SGSM1: variants seen among roughly 807,000 people sequenced by gnomAD.
SGSM1 encodes the protein RUN and TBC1 domain containing 2.
In SGSM1, 73 loss-of-function variants were observed where a neutral mutation model predicts 133.8. That is an observed-to-expected ratio of 0.55 (90% CI 0.45 to 0.66). The LOEUF is 0.66. Ranked by LOEUF, SGSM1 falls within the 30% of genes least tolerant of loss-of-function variation. The pLI is 0.00. For synonymous variants in SGSM1, 563 were observed against 573.0 expected (o/e 0.98, Z 0.25); for missense variants, 1,213 against 1,448.1 (o/e 0.84, Z 2.64).
At chr22:24,872,539 A>G (rs1931816958) in intron 12 of SGSM1, among the ~76,000 whole-genome samples, 1 of 152,234 alleles carries the variant, frequency 6.6e-6, no homozygotes, top group African/African-American at 2.4e-5. Context: ...TTAAAATAGT[A>G]ACATTTTGGA....
At chr22:24,915,792 C>T (rs947535502) in intron 22 of SGSM1, among the ~76,000 whole-genome samples, 2 of 152,108 alleles carry the variant, frequency 1.3e-5, no homozygotes, top group Admixed American at 6.6e-5. Flanking sequence ...AGTATGTCCT[C>T]TTCATTCAGT....
At chr22:24,838,377 A>G (rs1929592282) in intron 2 of SGSM1, among the ~76,000 whole-genome samples, 1 of 152,238 alleles carries the variant, frequency 6.6e-6, no homozygotes, top group African/African-American at 2.4e-5. Flanking sequence ...TTATATAGCC[A>G]GGAAGAAATG....
At position 24,901,821 on chromosome 22, in the gene SGSM1, G is replaced by A. The variant is rs199763568; in HGVS notation, c.2611-12G>A. On this transcript the variant is annotated splice_polypyrimidine_tract_variant and intron_variant, in intron 19 of 24. Coordinates refer to ENST00000400358, the MANE Select transcript of SGSM1 (RefSeq NM_001098497.3). ...ATTTCTTCCCCCTACCCCCTGCCCC[G>A]ATGGCCTATAGCCAGAGCTGCTGGA... 660 of 1,611,840 alleles carry A rather than the reference G, an allele frequency of 4.1e-4. 2 individuals carry two copies. Among genetic ancestry groups the A allele is most frequent in the Middle Eastern group, 2.8e-3 (17 of 6,056 alleles).
chr22:24,810,144 C>T (rs1233194132), intron 2 of SGSM1, among the ~76,000 whole-genome samples: 1 of 152,048 alleles, frequency 6.6e-6, no homozygotes, highest in Non-Finnish European at 1.5e-5. Context: ...GGGAGGACAT[C>T]GAGAACAGGG....
At chr22:24,915,123 G>A (rs939921217) in intron 22 of SGSM1, among the ~76,000 whole-genome samples, 1 of 152,206 alleles carries the variant, frequency 6.6e-6, no homozygotes, top group African/African-American at 2.4e-5. Flanking sequence ...TAGCTACTCC[G>A]GAGGCTGAGA....
chr22:24,856,820 A>C (rs1930821573), intron 8 of SGSM1, among the ~76,000 whole-genome samples: 1 of 146,522 alleles, frequency 6.8e-6, no homozygotes, highest in Admixed American at 6.9e-5. Context: ...CCAGGCTGGC[A>C]TGCAGGGGTG....
intron 2 of SGSM1, among the ~76,000 whole-genome samples, chr22:24,839,509 T>A (rs1328354209): frequency 6.6e-6 from 1 of 152,202 alleles, no homozygotes; most frequent in Non-Finnish European, 1.5e-5. Flanking sequence ...ATAAAATGAG[T>A]TTGGAAGTGC....
At chr22:24,819,582 C>G (rs1487772989) in intron 2 of SGSM1, among the ~76,000 whole-genome samples, 4 of 152,202 alleles carry the variant, frequency 2.6e-5, no homozygotes, top group African/African-American at 9.6e-5. Context: ...ACCCAGAGTG[C>G]CTCCCTTGAT....
rs1934167328 is a variant in SGSM1, at chr22:24,925,434, TC to T, written c.*1162del. 1 of 152,114 alleles carries T rather than the reference TC, an allele frequency of 6.6e-6. No individual in the cohort carries two copies. The highest frequency in any genetic ancestry group is 1.5e-5 in the Non-Finnish European group (1 of 68,010). 9.4% of individuals were successfully genotyped at this position (152,114 alleles called of 1,614,324 possible). ...CTGGGATTCCATCTGTTGTATTTTC[TC>T]CTTTTTTCTCCTCTGTCTGATGCCA... On this transcript the variant is annotated 3_prime_UTR_variant, in exon 25 of 25. Transcript: ENST00000400358.
chr22:24,806,223 GC>G lies in SGSM1; in HGVS notation c.-99del. On this transcript the variant is annotated 5_prime_UTR_variant, in exon 1 of 25. Coordinates refer to ENST00000400358, the MANE Select transcript of SGSM1 (RefSeq NM_001098497.3). ...CCCTCCGGCCGTCACTCAGCGCTCG[GC>G]CCCGCCCCGCCGCGGCTGCAGCAGC... 1 of 1,282,568 alleles carries G rather than the reference GC, an allele frequency of 7.8e-7. No individual in the cohort carries two copies. Among genetic ancestry groups the G allele is most frequent in the Non-Finnish European group, 9.8e-7 (1 of 1,017,996 alleles). 79.4% of individuals were successfully genotyped at this position (1,282,568 alleles called of 1,614,324 possible).
chr22:24,839,966 G>A (rs1218289594), intron 2 of SGSM1, among the ~76,000 whole-genome samples: 4 of 95,796 alleles, frequency 4.2e-5, no homozygotes, highest in Non-Finnish European at 7.6e-5. Context: ...ATGATATCTT[G>A]CTCTGTCACC....
chr22:24,839,733 A>G (rs181864272), intron 2 of SGSM1, among the ~76,000 whole-genome samples: 4 of 152,006 alleles, frequency 2.6e-5, no homozygotes, highest in South Asian at 2.1e-4. Flanking sequence ...CTAAGAATTT[A>G]TTCATCTTAT....
At chr22:24,819,209 A>T (rs949811007) in intron 2 of SGSM1, among the ~76,000 whole-genome samples, 3 of 151,864 alleles carry the variant, frequency 2.0e-5, no homozygotes, top group Non-Finnish European at 4.4e-5. Context: ...TTGGGCACCT[A>T]CTTTGTCCAG....
At chr22:24,884,242 A>AG (rs770329802) in intron 15 of SGSM1, 44 bp downstream of exon 15, 2 of 1,572,806 alleles carry the variant, frequency 1.3e-6, no homozygotes, top group South Asian at 1.2e-5. Context: ...CAGAGGCTGC[A>AG]GGGGGGTCAT....
intron 2 of SGSM1, among the ~76,000 whole-genome samples, chr22:24,808,458 T>C (rs931115467): frequency 6.6e-6 from 1 of 152,170 alleles, no homozygotes; most frequent in Non-Finnish European, 1.5e-5. Flanking sequence ...AACATCCTTG[T>C]CACTTTCAGT....
rs994311028 is a variant in SGSM1 at position 24,832,351 on chromosome 22, T to C, written c.64-12546T>C. On this transcript the variant is annotated intron_variant, in intron 2 of 24. Transcript: ENST00000400358. ...TGCCGGGCACATATAGATAAGAGGGTTAGTGTTATTTTCAGAGATAGTCAT... is the reference window on the plus strand; with the variant it reads ...TGCCGGGCACATATAGATAAGAGGGCTAGTGTTATTTTCAGAGATAGTCAT... Among the ~76,000 whole-genome samples, 35 of 152,030 alleles carry C rather than the reference T, an allele frequency of 2.3e-4. 1 individual carries two copies. Among genetic ancestry groups the C allele is most frequent in the Non-Finnish European group, 7.4e-5 (5 of 68,010 alleles).
At chr22:24,849,206 C>T (rs1183008074) in intron 4 of SGSM1, among the ~76,000 whole-genome samples, 1 of 151,426 alleles carries the variant, frequency 6.6e-6, no homozygotes, top group Non-Finnish European at 1.5e-5. Context: ...ATGAAGAGGG[C>T]CAATGCTTGC....
intron 21 of SGSM1, among the ~76,000 whole-genome samples, chr22:24,908,452 T>C (rs754422879): frequency 3.9e-5 from 6 of 152,194 alleles, no homozygotes; most frequent in Non-Finnish European, 5.9e-5. Flanking sequence ...GCAAGTCATA[T>C]GCGTGATAAA....
intron 2 of SGSM1, among the ~76,000 whole-genome samples, chr22:24,831,389 C>A (rs536455080): frequency 1.3e-5 from 2 of 152,202 alleles, no homozygotes; most frequent in African/African-American, 4.8e-5. Flanking sequence ...AGGTTTATAC[C>A]TCACATGCAG....
Sources: gnomAD v4.1 joint callset for allele counts (sites outside exome capture counted in the v4.1 genomes callset) on GRCh38, gnomAD v4.1.1 for gene constraint, MANE v1.5 for transcripts, NCBI Gene and HGNC (gene_info 2026-07-23, HGNC 2026-07-21) for gene names.